The following MAST4 variants were observed in gnomAD, a reference collection of about 807,000 sequenced individuals.
MAST4 encodes microtubule-associated serine/threonine-protein kinase 4.
In MAST4, 89 loss-of-function variants were observed where a neutral mutation model predicts 162.7. The observed-to-expected ratio is 0.55, with a 90% CI of 0.46 to 0.65. MAST4 has a LOEUF of 0.65. MAST4 is among the 30% of genes least tolerant of loss of function. The pLI is 0.00. For synonymous variants in MAST4, 1,479 were observed against 1,361.1 expected (o/e 1.09, Z -1.91); for missense variants, 3,153 against 3,374.0 (o/e 0.93, Z 1.62).
At chr5:67,082,429 A>C (rs1762778225) in intron 5 of MAST4, among the ~76,000 whole-genome samples, 1 of 152,164 alleles carries the variant, frequency 6.6e-6, no homozygotes, top group African/African-American at 2.4e-5. Context: ...CACCGTGGCC[A>C]GCCTACCTGC....
intron 3 of MAST4, among the ~76,000 whole-genome samples, chr5:66,863,303 C>T (rs1056582754): frequency 7.9e-5 from 12 of 152,196 alleles, no homozygotes; most frequent in African/African-American, 2.4e-4. Flanking sequence ...CACATAGGCA[C>T]GTCCACAGTG....
Position 66,780,608 on chromosome 5 carries a change from G to A in MAST4, c.518-8062G>A, listed in dbSNP as rs149013926. 3.5e-4 allele frequency among the ~76,000 whole-genome samples: 54 copies of A among 152,310 alleles called. 2 individuals are homozygous for A. The East Asian group carries it at 0.01, about 29-fold the overall frequency. ...AGTGAAAGAACAAAGCTTCCACAGT[G>A]TGAAAAGGGACCCAAGCAGGTTGCT... On this transcript the variant is annotated intron_variant, in intron 2 of 28. Coordinates refer to ENST00000403625, the MANE Select transcript of MAST4 (RefSeq NM_001164664.2).
At chr5:67,038,381 C>G (rs1756302483) in intron 4 of MAST4, among the ~76,000 whole-genome samples, 1 of 152,106 alleles carries the variant, frequency 6.6e-6, no homozygotes, top group African/African-American at 2.4e-5. Context: ...GTCACCCTCC[C>G]TAGACTTCCT....
At chr5:67,131,777 A>G (rs373251981) in intron 15 of MAST4, 36 bp from the exon 16 acceptor site, 55 of 1,606,390 alleles carry the variant, frequency 3.4e-5, no homozygotes, top group African/African-American at 4.0e-5. Context: ...TTAAGCCTTC[A>G]TCCTATAGCT....
chr5:67,149,359 G>C, intron 23 of MAST4, 30 bp from the exon 24 acceptor site: 1 of 1,593,002 alleles, frequency 6.3e-7, no homozygotes, highest in Non-Finnish European at 8.6e-7. Flanking sequence ...GGATTTTCCT[G>C]AATGTGTTTA....
chr5:66,763,070 G>T (rs755978319), intron 2 of MAST4, among the ~76,000 whole-genome samples: 24 of 152,180 alleles, frequency 1.6e-4, no homozygotes, highest in Middle Eastern at 3.2e-3. Context: ...TTTTACACAT[G>T]AGAACACTGA....
chr5:66,813,150 A>G (rs978301430), intron 3 of MAST4, among the ~76,000 whole-genome samples: 1 of 152,224 alleles, frequency 6.6e-6, no homozygotes, highest in South Asian at 2.1e-4. Context: ...AATCTTGCTC[A>G]ATATATAGTT....
intron 3 of MAST4, among the ~76,000 whole-genome samples, chr5:66,821,383 T>A (rs1339257141): frequency 1.3e-5 from 2 of 152,238 alleles, no homozygotes; most frequent in Non-Finnish European, 2.9e-5. Context: ...TTTTAAAATA[T>A]AGGGAAAGAA....
At position 66,685,337 on chromosome 5, in the gene MAST4, A is replaced by C. The variant is rs184281147; in HGVS notation, c.364-74372A>C. ...ACCCCAAAAACCCCCAAAAACCCCCAAAAAGAATAGCAAAACACACAGTCA... is the reference window on the plus strand; with the variant it reads ...ACCCCAAAAACCCCCAAAAACCCCCCAAAAGAATAGCAAAACACACAGTCA... On this transcript the variant is annotated intron_variant, in intron 1 of 28. Transcript: ENST00000403625. 3.0e-3 allele frequency among the ~76,000 whole-genome samples: 450 copies of C among 151,974 alleles called. 1 individual carries two copies. Among genetic ancestry groups the C allele is most frequent in the African/African-American group, 9.4e-3 (390 of 41,362 alleles).
chr5:66,659,983 A>G (rs901644197), intron 1 of MAST4, among the ~76,000 whole-genome samples: 2 of 151,944 alleles, frequency 1.3e-5, no homozygotes, highest in East Asian at 1.9e-4. Context: ...TTGTGAAGAC[A>G]TAGAGATGTG....
chr5:66,927,545 C>T (rs1230080690), intron 4 of MAST4, among the ~76,000 whole-genome samples: 1 of 152,194 alleles, frequency 6.6e-6, no homozygotes, highest in Non-Finnish European at 1.5e-5. Flanking sequence ...GGAACCACCC[C>T]TGAAGTCTGC....
chr5:66,859,970 A>G lies in MAST4; in HGVS notation c.643-39981A>G, dbSNP rs61241186. 9.2e-3 allele frequency among the ~76,000 whole-genome samples: 1,403 copies of G among 152,356 alleles called. 25 individuals carry two copies. The highest frequency in any genetic ancestry group is 0.032 in the African/African-American group (1,310 of 41,580). On this transcript the variant is annotated intron_variant, in intron 3 of 28. Coordinates refer to ENST00000403625, the MANE Select transcript of MAST4 (RefSeq NM_001164664.2). ...GGAAGTCCCCAAAACATCTCAGCAT[A>G]CTTGAGGTCACTGAACTTAAAAAGT...
intron 3 of MAST4, among the ~76,000 whole-genome samples, chr5:66,812,676 C>G (rs1224757031): frequency 6.6e-6 from 1 of 152,160 alleles, no homozygotes; most frequent in Non-Finnish European, 1.5e-5. Flanking sequence ...GGATTTTGCA[C>G]ATTTGGTAGT....
intron 5 of MAST4, among the ~76,000 whole-genome samples, chr5:67,064,260 C>G (rs1759968558): frequency 6.6e-6 from 1 of 152,068 alleles, no homozygotes; most frequent in Non-Finnish European, 1.5e-5. Context: ...ACCTGAGATG[C>G]AGGAGGGAAG....
Position 66,954,849 on chromosome 5 carries a change from C to T in MAST4, c.674+54867C>T, listed in dbSNP as rs553247251. ...CCTGGAGATGGAGGTTGCAGTGAGCCGAGATCACGCTACTGCACTCCAGCC... is the reference window on the plus strand; with the variant it reads ...CCTGGAGATGGAGGTTGCAGTGAGCTGAGATCACGCTACTGCACTCCAGCC... On this transcript the variant is annotated intron_variant, in intron 4 of 28. Coordinates refer to ENST00000403625, the MANE Select transcript of MAST4 (RefSeq NM_001164664.2). Among the ~76,000 whole-genome samples the T allele has an allele frequency of 1.8e-4, 27 of 150,814 alleles. No homozygotes were observed. The South Asian group carries it at 3.5e-3, about 20-fold the overall frequency.
At chr5:66,948,473 T>G (rs1282346604) in intron 4 of MAST4, among the ~76,000 whole-genome samples, 4 of 152,110 alleles carry the variant, frequency 2.6e-5, no homozygotes, top group Non-Finnish European at 5.9e-5. Context: ...CCCAGAGCCT[T>G]TTGTTGTCCC....
chr5:67,035,313 T>C (rs868448763), intron 4 of MAST4, among the ~76,000 whole-genome samples: 1 of 152,304 alleles, frequency 6.6e-6, no homozygotes, highest in Middle Eastern at 3.4e-3. Flanking sequence ...TTCTGTGCTT[T>C]GTTTTCACAT....
At chr5:67,013,391 C>T (rs573561675) in intron 4 of MAST4, among the ~76,000 whole-genome samples, 6 of 152,158 alleles carry the variant, frequency 3.9e-5, no homozygotes, top group East Asian at 1.9e-4. Context: ...TTGCTGAGGT[C>T]TCTTAGGGTC....
chr5:67,103,924 A>C (rs1417516914), intron 9 of MAST4, among the ~76,000 whole-genome samples: 1 of 152,236 alleles, frequency 6.6e-6, no homozygotes, highest in African/African-American at 2.4e-5. Context: ...AGACCATTTT[A>C]CATTTGATAG....
Sources: allele counts gnomAD v4.1 joint callset (sites outside exome capture counted in the v4.1 genomes callset), GRCh38; gene constraint gnomAD v4.1.1; transcripts MANE v1.5; gene names NCBI Gene and HGNC (gene_info 2026-07-23, HGNC 2026-07-21).